The following OR10J1 variants were observed in gnomAD, a reference collection of about 807,000 sequenced individuals.
OR10J1 encodes the protein olfactory receptor family 10 subfamily J member 1, also known as olfactory receptor 10J1.
For missense variants in OR10J1, 474 were observed against 376.6 expected (o/e 1.26, Z -2.14); for synonymous variants, 202 against 143.8 (o/e 1.40, Z -2.89).
chr1:159,428,184 TG>T, the OR10J1 span, among the ~76,000 whole-genome samples: 2 of 152,052 alleles, frequency 1.3e-5, no homozygotes, highest in Non-Finnish European at 2.9e-5. Context: ...CCAAATGCAA[TG>T]TGAAGAGAAA....
the OR10J1 span, among the ~76,000 whole-genome samples, chr1:159,410,969 T>G: frequency 5.3e-5 from 8 of 152,144 alleles, no homozygotes; most frequent in Non-Finnish European, 1.2e-4. Context: ...CAGTAGTCAT[T>G]CAGGAGCAGG....
At chr1:159,413,954 G>A in the OR10J1 span, among the ~76,000 whole-genome samples, 3 of 151,522 alleles carry the variant, frequency 2.0e-5, no homozygotes, top group Non-Finnish European at 2.9e-5. Context: ...GGGTTTTTTA[G>A]GTTTTTAAAT....
chr1:159,439,958 A>T lies in OR10J1; in HGVS notation c.167A>T (p.His56Leu). The T allele has an allele frequency of 6.2e-7, 1 of 1,614,032 alleles. No individual in the cohort carries two copies. Among genetic ancestry groups the T allele is most frequent in the Non-Finnish European group, 8.5e-7 (1 of 1,179,930 alleles). Residue 56 changes from histidine to leucine, a missense_variant, in exon 1 of 1, where the codon CAC (histidine) becomes CTC (leucine). Coordinates refer to ENST00000423932, the MANE Select transcript of OR10J1 (RefSeq NM_012351.3). ...VTIIRMDLHL[H>L]TPMYFFLSML... Reference sequence around the variant, plus strand: ...ATCATCCGAATGGATCTTCATCTTCACACACCCATGTACTTCTTCCTGAGC... The same window carrying T: ...ATCATCCGAATGGATCTTCATCTTCTCACACCCATGTACTTCTTCCTGAGC...
upstream of OR10J1, chr1:159,433,138 G>C: frequency 2.4e-6 from 1 of 413,868 alleles, no homozygotes; most frequent in Non-Finnish European, 4.3e-6. Context: ...CTCTCTCTTA[G>C]GTGCTGGTCA....
At position 159,440,262 on chromosome 1, in the gene OR10J1, A is replaced by G; in HGVS notation, c.471A>G (p.Ile157Met). 6.2e-7 allele frequency: 1 copy of G among 1,614,168 alleles called. No individual in the cohort carries two copies. Among genetic ancestry groups the G allele is most frequent in the Non-Finnish European group, 8.5e-7 (1 of 1,180,016 alleles). Residue 157 changes from isoleucine to methionine, a missense_variant, in exon 1 of 1, where the codon ATA (isoleucine) becomes ATG (methionine). Coordinates refer to ENST00000423932, the MANE Select transcript of OR10J1 (RefSeq NM_012351.3). ...GACSIGLIVA[I>M]TQVTSVFRLP... ...GCAGCATTGGGCTGATTGTAGCAATAACGCAAGTGACATCTGTATTCAGGT... is the reference window on the plus strand; with the variant it reads ...GCAGCATTGGGCTGATTGTAGCAATGACGCAAGTGACATCTGTATTCAGGT...
At chr1:159,412,087 A>G in the OR10J1 span, among the ~76,000 whole-genome samples, 1 of 152,106 alleles carries the variant, frequency 6.6e-6, no homozygotes, top group East Asian at 1.9e-4. Context: ...CCCATTCACA[A>G]TTGCTTCAAA....
chr1:159,427,579 A>G, the OR10J1 span, among the ~76,000 whole-genome samples: 2 of 152,012 alleles, frequency 1.3e-5, no homozygotes, highest in African/African-American at 2.4e-5. Context: ...ATATATTACC[A>G]TAATTAGACA....
Position 159,439,858 on chromosome 1 carries a change from C to T in OR10J1, c.67C>T (p.Gln23Ter). Residue 23 changes from glutamine (Q) to a stop codon, truncating the protein, a stop_gained, in exon 1 of 1, where the codon CAG (glutamine) becomes TAG (stop). Coordinates refer to ENST00000423932, the MANE Select transcript of OR10J1 (RefSeq NM_012351.3). LOFTEE classifies it low-confidence loss of function (END_TRUNC). The stretch of plus-strand genomic sequence containing the variant: ...CCAAGGTTTCTCTAGCTTCCATGAG[C>T]AGCAGATCACCCTTTTTGGCGTGTT... ...VFQGFSSFHE[Q>*]QITLFGVFLA... The T allele has an allele frequency of 6.2e-7, 1 of 1,614,180 alleles. No homozygotes were observed. The highest frequency in any genetic ancestry group is 1.1e-5 in the South Asian group (1 of 91,084).
the OR10J1 span, among the ~76,000 whole-genome samples, chr1:159,425,605 CAAAG>C: frequency 2.6e-5 from 4 of 151,738 alleles, no homozygotes; most frequent in African/African-American, 9.7e-5. Context: ...AAAAAAATTG[CAAAG>C]AAAGAGATAG....
chr1:159,417,717 A>G, the OR10J1 span, among the ~76,000 whole-genome samples: 1 of 152,244 alleles, frequency 6.6e-6, no homozygotes, highest in Admixed American at 6.5e-5. Context: ...AGATACCTAA[A>G]AATGTAAAAG....
At chr1:159,401,245 A>T in the OR10J1 span, among the ~76,000 whole-genome samples, 15 of 152,016 alleles carry the variant, frequency 9.9e-5, no homozygotes, top group East Asian at 2.7e-3. Context: ...GAAGATAAAT[A>T]ATAAAGATTA....
the OR10J1 span, among the ~76,000 whole-genome samples, chr1:159,404,502 A>T: frequency 6.6e-6 from 1 of 152,086 alleles, no homozygotes; most frequent in African/African-American, 2.4e-5. Context: ...CTCAAACATC[A>T]TAGGTTTGTG....
At chr1:159,414,007 T>C in the OR10J1 span, among the ~76,000 whole-genome samples, 1 of 152,030 alleles carries the variant, frequency 6.6e-6, no homozygotes, top group African/African-American at 2.4e-5. Flanking sequence ...CATGTGAGTA[T>C]TTGTTACATG....
At chr1:159,427,860 G>A in the OR10J1 span, among the ~76,000 whole-genome samples, 11 of 152,132 alleles carry the variant, frequency 7.2e-5, no homozygotes, top group Admixed American at 6.6e-4. Flanking sequence ...GATCAAGTAG[G>A]GGTTTCCGTT....
chr1:159,436,698 A>C (rs1655746778), upstream of OR10J1, among the ~76,000 whole-genome samples: 1 of 152,172 alleles, frequency 6.6e-6, no homozygotes, highest in Non-Finnish European at 1.5e-5. Flanking sequence ...CACTTCCTTA[A>C]GACGCCACTT....
At chr1:159,426,402 TAACA>T in the OR10J1 span, among the ~76,000 whole-genome samples, 1 of 151,858 alleles carries the variant, frequency 6.6e-6, no homozygotes, top group South Asian at 2.1e-4. Flanking sequence ...ATATTGCTCA[TAACA>T]AACAAAATAT....
At chr1:159,439,571 T>C (rs983421386), upstream of OR10J1, among the ~76,000 whole-genome samples, 1 of 152,142 alleles carries the variant, frequency 6.6e-6, no homozygotes, top group Non-Finnish European at 1.5e-5. Context: ...GACTATATGA[T>C]TCTATGATGC....
the OR10J1 span, among the ~76,000 whole-genome samples, chr1:159,422,169 C>G: frequency 6.6e-6 from 1 of 152,092 alleles, no homozygotes; most frequent in African/African-American, 2.4e-5. Flanking sequence ...TTCCAGGCCT[C>G]AAACGGTGTG....
In OR10J1 at chr1:159,439,998, AG is replaced by A; in HGVS notation, c.208del (p.Glu70ArgfsTer17). On this transcript the variant is annotated frameshift_variant, in exon 1 of 1. Coordinates refer to ENST00000423932, the MANE Select transcript of OR10J1 (RefSeq NM_012351.3). LOFTEE classifies it low-confidence loss of function (END_TRUNC). ...YFFLSMLSTS[E>X]TVYTLVILPR... ...TCTTCCTGAGCATGCTGTCCACTTCAGAGACTGTATATACATTGGTCATTCT... is the reference window on the plus strand; with the variant it reads ...TCTTCCTGAGCATGCTGTCCACTTCAAGACTGTATATACATTGGTCATTCT... 1 of 1,614,174 alleles carries A rather than the reference AG, an allele frequency of 6.2e-7. No individual in the cohort carries two copies. The highest frequency in any genetic ancestry group is 1.1e-5 in the South Asian group (1 of 91,088).
Sources: allele counts gnomAD v4.1 joint callset (sites outside exome capture counted in the v4.1 genomes callset), GRCh38; gene constraint gnomAD v4.1.1; transcripts MANE v1.5; gene names NCBI Gene and HGNC (gene_info 2026-07-23, HGNC 2026-07-21).